The following NBAS variants were observed in gnomAD, a reference collection of about 807,000 sequenced individuals.
NBAS encodes the protein NBAS subunit of NRZ tethering complex.
NBAS carries 219 observed loss-of-function variants against 302.5 expected under a neutral mutation model. The observed-to-expected ratio is 0.72, with a 90% CI of 0.65 to 0.81. The LOEUF is 0.81. Among genes scored for constraint, NBAS ranks in the 30% least tolerant of loss-of-function variants. The pLI, the probability that NBAS is intolerant of heterozygous loss-of-function variation, is 0.00. For missense variants in NBAS, 2,932 were observed against 2,841.6 expected (o/e 1.03, Z -0.72); for synonymous variants, 1,118 against 1,021.6 (o/e 1.09, Z -1.80).
chr2:15,264,443 C>A (rs1267404587), intron 44 of NBAS, among the ~76,000 whole-genome samples: 1 of 152,116 alleles, frequency 6.6e-6, no homozygotes, highest in Admixed American at 6.5e-5. Flanking sequence ...GATTGTACTG[C>A]GTACATGGTC....
At chr2:15,136,745 C>T in the NBAS span, among the ~76,000 whole-genome samples, 1 of 152,176 alleles carries the variant, frequency 6.6e-6, no homozygotes, top group Non-Finnish European at 1.5e-5. Flanking sequence ...AAAGGAGGGA[C>T]CTGGTGGGAC....
chr2:15,323,622 G>A (rs1394227840), intron 38 of NBAS, among the ~76,000 whole-genome samples: 1 of 152,108 alleles, frequency 6.6e-6, no homozygotes, highest in Admixed American at 6.6e-5. Flanking sequence ...CCTGAGCCCA[G>A]GAGTTTGAGA....
chr2:15,034,716 A>T, the NBAS span, among the ~76,000 whole-genome samples: 1 of 152,120 alleles, frequency 6.6e-6, no homozygotes, highest in African/African-American at 2.4e-5. Context: ...CATTTTTTTA[A>T]TTCATGTAAA....
At chr2:15,119,714 G>C in the NBAS span, among the ~76,000 whole-genome samples, 1 of 152,182 alleles carries the variant, frequency 6.6e-6, no homozygotes, top group African/African-American at 2.4e-5. Flanking sequence ...GGGAAGGGCA[G>C]GATGGAAGGA....
chr2:15,208,836 C>T (rs1286415094), intron 48 of NBAS, among the ~76,000 whole-genome samples: 3 of 151,858 alleles, frequency 2.0e-5, no homozygotes, highest in South Asian at 4.1e-4. Flanking sequence ...TAAGTGGCTA[C>T]ATCAAAAAAG....
chr2:15,438,659 T>C (rs1301951200), intron 21 of NBAS, among the ~76,000 whole-genome samples: 1 of 152,208 alleles, frequency 6.6e-6, no homozygotes, highest in Non-Finnish European at 1.5e-5. Context: ...AAGGGAACTC[T>C]AAACAGAGCC....
At chr2:14,841,476 A>G in the NBAS span, among the ~76,000 whole-genome samples, 1 of 146,568 alleles carries the variant, frequency 6.8e-6, no homozygotes, top group Non-Finnish European at 1.5e-5. Flanking sequence ...AAGGGTAGAA[A>G]AAAACATTCC....
chr2:15,500,759 A>T (rs1661490132), intron 11 of NBAS, among the ~76,000 whole-genome samples: 3 of 150,524 alleles, frequency 2.0e-5, no homozygotes, highest in African/African-American at 7.3e-5. Flanking sequence ...TGTCTCTACT[A>T]AAAAAATACA....
At chr2:14,955,070 C>T in the NBAS span, among the ~76,000 whole-genome samples, 1 of 152,220 alleles carries the variant, frequency 6.6e-6, no homozygotes, top group African/African-American at 2.4e-5. Context: ...AAGTTAGTTA[C>T]TTCCTAGATA....
At chr2:15,366,464 T>A in intron 32 of NBAS, 116 bp downstream of exon 32, 1 of 980,612 alleles carries the variant, frequency 1.0e-6, no homozygotes, top group Non-Finnish European at 1.6e-6. Flanking sequence ...CGAGACCCTG[T>A]CTAATAAAAA....
intron 9 of NBAS, among the ~76,000 whole-genome samples, chr2:15,518,129 GAAAAA>G (rs5829507): frequency 2.2e-5 from 3 of 134,204 alleles, no homozygotes; most frequent in Admixed American, 7.5e-5. Context: ...AAGTCTAGGG[GAAAAA>G]AAAAAAAAAA....
chr2:14,888,467 T>A, the NBAS span, among the ~76,000 whole-genome samples: 35,561 of 151,324 alleles, frequency 0.23, 4,678 homozygotes, highest in Non-Finnish European at 0.3. Flanking sequence ...TTTTTTTTTA[T>A]TGACCATAGA....
intron 27 of NBAS, 97 bp from the exon 28 acceptor site, chr2:15,394,446 A>C: frequency 7.6e-7 from 1 of 1,314,966 alleles, no homozygotes; most frequent in Non-Finnish European, 1.1e-6. Context: ...TTTAGTATTA[A>C]AAAAAAATTA....
intron 48 of NBAS, among the ~76,000 whole-genome samples, chr2:15,201,922 G>A (rs749278033): frequency 3.9e-4 from 60 of 152,284 alleles, no homozygotes; most frequent in African/African-American, 1.4e-3. Context: ...CAGAAAGAGT[G>A]TCCTGACCAG....
chr2:14,813,714 G>A, the NBAS span, among the ~76,000 whole-genome samples: 1 of 152,188 alleles, frequency 6.6e-6, no homozygotes, highest in Non-Finnish European at 1.5e-5. Context: ...GCCTAACCAT[G>A]TGGGAGAAAA....
At chr2:15,547,300 C>A (rs1664161088) in intron 6 of NBAS, among the ~76,000 whole-genome samples, 1 of 152,142 alleles carries the variant, frequency 6.6e-6, no homozygotes, top group South Asian at 2.1e-4. Flanking sequence ...CAGGCACACA[C>A]ATGAAATATC....
At chr2:15,334,777 T>G (rs143923320) in intron 35 of NBAS, among the ~76,000 whole-genome samples, 1 of 152,214 alleles carries the variant, frequency 6.6e-6, no homozygotes, top group Non-Finnish European at 1.5e-5. Flanking sequence ...CAACTTTTCA[T>G]TGATGTGTAA....
intron 6 of NBAS, among the ~76,000 whole-genome samples, chr2:15,544,579 C>A (rs1399067649): frequency 6.6e-6 from 1 of 152,102 alleles, no homozygotes; most frequent in African/African-American, 2.4e-5. Flanking sequence ...GCTATCAAGG[C>A]ACATGATAAT....
At chr2:15,504,967 G>A (rs1316112841) in intron 10 of NBAS, among the ~76,000 whole-genome samples, 3 of 152,054 alleles carry the variant, frequency 2.0e-5, no homozygotes, top group Admixed American at 6.6e-5. Context: ...AAAACATTAG[G>A]GATGGCCTTG....
Sources: allele counts gnomAD v4.1 joint callset (sites outside exome capture counted in the v4.1 genomes callset), GRCh38; gene constraint gnomAD v4.1.1; transcripts MANE v1.5; gene names NCBI Gene and HGNC (gene_info 2026-07-23, HGNC 2026-07-21).